BTG3: variants seen among roughly 807,000 people sequenced by gnomAD.
BTG3 encodes BTG anti-proliferation factor 3, also known as protein BTG3.
In BTG3, 4 loss-of-function variants were observed where a neutral mutation model predicts 25.8. That is an observed-to-expected ratio of 0.16 (90% CI 0.08 to 0.36). The LOEUF (loss-of-function observed/expected upper bound fraction) is 0.36, where lower values mean the gene tolerates loss of function less well. BTG3 is among the 10% of genes least tolerant of loss of function. The pLI, the probability that BTG3 is intolerant of heterozygous loss-of-function variation, is 1.00. For missense variants in BTG3, 201 were observed against 304.9 expected, an observed-to-expected ratio of 0.66 and a Z score of 2.54; for synonymous variants, 107 against 99.9, an observed-to-expected ratio of 1.07 and a Z score of -0.42.
rs186448448 is a variant in BTG3, at chr21:17,596,082, C to T, written c.520-1750G>A. Among the ~76,000 whole-genome samples, 63 of 152,050 alleles carry T rather than the reference C, an allele frequency of 4.1e-4. No homozygotes were observed. The East Asian group carries it at 0.012, about 28-fold the overall frequency. The stretch of plus-strand genomic sequence containing the variant: ...TTATTCACATCTTTTGCTCCTCCTG[C>T]CCTTTTTTTGAGATTACAGCAGGAT... On this transcript the variant is annotated intron_variant, in intron 4 of 4. Coordinates refer to ENST00000348354, the MANE Select transcript of BTG3 (RefSeq NM_006806.5).
At chr21:17,611,803 A>C (rs1174216297) in intron 1 of BTG3, 1 of 152,250 alleles carries the variant, frequency 6.6e-6, no homozygotes, top group Non-Finnish European at 1.5e-5. Flanking sequence ...AAGGGAATCC[A>C]GAATCAAGCT....
chr21:17,612,133 C>G (rs1407714368), intron 1 of BTG3: 1 of 152,302 alleles, frequency 6.6e-6, no homozygotes, highest in Non-Finnish European at 1.5e-5. Context: ...TTGAAAGAAC[C>G]GCCTTGAGCT....
intron 1 of BTG3, chr21:17,611,967 C>G (rs946008980): frequency 3.9e-5 from 6 of 152,238 alleles, no homozygotes; most frequent in African/African-American, 7.2e-5. Flanking sequence ...AGCCCCGGCC[C>G]GACCTCAGCG....
At chr21:17,595,887 T>G (rs1427487353) in intron 4 of BTG3, among the ~76,000 whole-genome samples, 2 of 152,024 alleles carry the variant, frequency 1.3e-5, no homozygotes, top group Admixed American at 6.6e-5. Context: ...GGTACTATTT[T>G]ACATGACTAG....
chr21:17,599,732 G>A (rs141846303), intron 3 of BTG3, among the ~76,000 whole-genome samples: 5,732 of 152,116 alleles, frequency 0.038, 328 homozygotes, highest in African/African-American at 0.13. Flanking sequence ...CACCCGCCTC[G>A]GCCTCCCAAA....
At chr21:17,608,200 T>C (rs923902675) in intron 2 of BTG3, among the ~76,000 whole-genome samples, 13 of 151,990 alleles carry the variant, frequency 8.6e-5, no homozygotes, top group African/African-American at 2.4e-4. Context: ...ATCCCATCTA[T>C]ACAAAAAAAA....
intron 3 of BTG3, among the ~76,000 whole-genome samples, chr21:17,602,645 G>C (rs550685749): frequency 6.6e-6 from 1 of 152,156 alleles, no homozygotes; most frequent in South Asian, 2.1e-4. Context: ...AATCACATCA[G>C]AGCCAATTTT....
chr21:17,607,734 TA>T (rs1035170713), intron 2 of BTG3, among the ~76,000 whole-genome samples: 1 of 152,204 alleles, frequency 6.6e-6, no homozygotes, highest in African/African-American at 2.4e-5. Flanking sequence ...TATACACAAA[TA>T]AAAGAGTATT....
intron 2 of BTG3, among the ~76,000 whole-genome samples, chr21:17,606,075 A>G (rs981278458): frequency 1.3e-5 from 2 of 152,272 alleles, no homozygotes; most frequent in East Asian, 1.9e-4. Flanking sequence ...GGTAATAGGA[A>G]TAAGTGTTTC....
At chr21:17,606,426 T>C (rs1259168662) in intron 2 of BTG3, among the ~76,000 whole-genome samples, 2 of 152,174 alleles carry the variant, frequency 1.3e-5, no homozygotes, top group African/African-American at 4.8e-5. Flanking sequence ...TTCTAGTATG[T>C]AAAATACTGC....
intron 2 of BTG3, among the ~76,000 whole-genome samples, chr21:17,607,449 G>A (rs1314871409): frequency 2.0e-5 from 3 of 152,192 alleles, no homozygotes; most frequent in Admixed American, 6.5e-5. Flanking sequence ...CTGTGTTAGC[G>A]TGCACATTTC....
At chr21:17,608,160 G>A (rs2061669962) in intron 2 of BTG3, among the ~76,000 whole-genome samples, 1 of 152,092 alleles carries the variant, frequency 6.6e-6, no homozygotes, top group South Asian at 2.1e-4. Context: ...GAGGCCAGGA[G>A]TTTGAAACTC....
At chr21:17,596,987 C>T (rs2061512655) in intron 4 of BTG3, among the ~76,000 whole-genome samples, 2 of 151,950 alleles carry the variant, frequency 1.3e-5, no homozygotes, top group South Asian at 4.1e-4. Context: ...GTGGCAATGC[C>T]AGATTCAAGA....
chr21:17,608,101 T>A (rs2061668923), intron 2 of BTG3, among the ~76,000 whole-genome samples: 1 of 152,174 alleles, frequency 6.6e-6, no homozygotes, highest in South Asian at 2.1e-4. Context: ...GCATGGTGGC[T>A]CACGCCTGTA....
chr21:17,608,727 C>G, intron 2 of BTG3: 1 of 387,670 alleles, frequency 2.6e-6, no homozygotes, highest in Non-Finnish European at 4.5e-6. Context: ...CAGGCTATAA[C>G]CACAAAAGAC....
At chr21:17,609,268 G>C (rs1336000901) in intron 1 of BTG3, 116 bp from the exon 2 acceptor site, 10 of 1,001,204 alleles carry the variant, frequency 1.0e-5, no homozygotes, top group Admixed American at 2.9e-5. Flanking sequence ...ATTTTATCTT[G>C]TATTTCTTTG....
intron 3 of BTG3, among the ~76,000 whole-genome samples, chr21:17,600,280 G>C (rs1481142720): frequency 6.6e-6 from 1 of 152,068 alleles, no homozygotes; most frequent in East Asian, 1.9e-4. Context: ...ACAATTTCTA[G>C]CATCAGGACA....
At position 17,599,771 on chromosome 21, in the gene BTG3, C is replaced by T. The variant is rs539567747; in HGVS notation, c.312-947G>A. Among the ~76,000 whole-genome samples, 42 of 152,274 alleles carry T rather than the reference C, an allele frequency of 2.8e-4. No homozygotes were observed. The South Asian group carries it at 7.9e-3, about 29-fold the overall frequency. On this transcript the variant is annotated intron_variant, in intron 3 of 4. Coordinates refer to ENST00000348354, the MANE Select transcript of BTG3 (RefSeq NM_006806.5). ...CTGGGTTTATAGGCGTGAGCCATCA[C>T]GCCCAGCCCCAGCTGTACTTATAAA...
rs1224097595 is a variant in BTG3, at chr21:17,593,696, A to G, written c.*397T>C. 1 of 167,886 alleles carries G rather than the reference A, an allele frequency of 6.0e-6. No homozygotes were observed. The highest frequency in any genetic ancestry group is 1.3e-5 in the Non-Finnish European group (1 of 79,146). The allele number at this position is 167,886 out of a possible 1,614,324, so 10.4% of individuals were successfully genotyped here. On this transcript the variant is annotated 3_prime_UTR_variant, in exon 5 of 5. Transcript: ENST00000348354. ...TTTATTTGCAACTACATGATTTCACACAATTCTCTTAAACAACGACATAAA... is the reference window on the plus strand; with the variant it reads ...TTTATTTGCAACTACATGATTTCACGCAATTCTCTTAAACAACGACATAAA...
Sources: allele counts gnomAD v4.1 joint callset (sites outside exome capture counted in the v4.1 genomes callset), GRCh38; gene constraint gnomAD v4.1.1; transcripts MANE v1.5; gene names NCBI Gene and HGNC (gene_info 2026-07-23, HGNC 2026-07-21).